STPG4: variants seen among roughly 807,000 people sequenced by gnomAD.
The protein encoded by STPG4 is sperm-tail PG-rich repeat containing 4, also known as protein STPG4.
In STPG4, 41 loss-of-function variants were observed where a neutral mutation model predicts 31.5. The observed-to-expected ratio is 1.30, with a 90% CI of 1.01 to 1.69. The LOEUF (loss-of-function observed/expected upper bound fraction) is 1.69. Ranked by LOEUF, STPG4 falls within the 40% of genes most tolerant of loss-of-function variation. STPG4 has a pLI of 0.00. For missense variants in STPG4, 375 were observed against 293.4 expected (o/e 1.28, Z -2.03); for synonymous variants, 141 against 103.0 (o/e 1.37, Z -2.24).
At chr2:47,135,721 A>C (rs531383236) in intron 3 of STPG4, among the ~76,000 whole-genome samples, 2 of 152,260 alleles carry the variant, frequency 1.3e-5, no homozygotes, top group East Asian at 1.9e-4. Flanking sequence ...CAGTTGTTCC[A>C]GCACCATTTG....
At chr2:47,093,933 C>A (rs1685622311) in intron 5 of STPG4, among the ~76,000 whole-genome samples, 1 of 152,228 alleles carries the variant, frequency 6.6e-6, no homozygotes, top group Non-Finnish European at 1.5e-5. Context: ...GCAGAGTCCC[C>A]ACTGCTGCCC....
intron 5 of STPG4, among the ~76,000 whole-genome samples, chr2:47,107,967 C>G (rs1181578044): frequency 6.6e-6 from 1 of 151,160 alleles, no homozygotes; most frequent in Non-Finnish European, 1.5e-5. Flanking sequence ...CCAATCGGCA[C>G]TCTGTATCTA....
intron 3 of STPG4, among the ~76,000 whole-genome samples, chr2:47,138,476 C>G (rs1448808821): frequency 6.6e-6 from 1 of 151,446 alleles, no homozygotes; most frequent in Admixed American, 6.6e-5. Flanking sequence ...ACTGCAACCT[C>G]CACCTCCTGG....
intron 6 of STPG4, 57 bp from the exon 7 acceptor site, chr2:47,087,187 C>T (rs1231340369): frequency 9.1e-6 from 14 of 1,540,268 alleles, no homozygotes; most frequent in Non-Finnish European, 1.2e-5. Context: ...AACCCTGAGG[C>T]TCCTGTGCCT....
chr2:47,133,469 T>A (rs1558684208), intron 3 of STPG4, among the ~76,000 whole-genome samples: 1 of 151,986 alleles, frequency 6.6e-6, no homozygotes, highest in Non-Finnish European at 1.5e-5. Context: ...GCCTGGCCAG[T>A]TCTTCGTTTT....
At chr2:47,124,971 G>C (rs377290511) in intron 5 of STPG4, among the ~76,000 whole-genome samples, 1 of 152,222 alleles carries the variant, frequency 6.6e-6, no homozygotes, top group Non-Finnish European at 1.5e-5. Context: ...TTTAAACTGG[G>C]ATGCAATGAT....
chr2:47,114,845 G>C (rs1459757410), intron 5 of STPG4, among the ~76,000 whole-genome samples: 1 of 152,008 alleles, frequency 6.6e-6, no homozygotes, highest in Non-Finnish European at 1.5e-5. Context: ...TTGGCTCACT[G>C]AAACCTCCAT....
intron 2 of STPG4, 99 bp from the exon 3 acceptor site, chr2:47,151,614 GT>G (rs1686939041): frequency 2.1e-6 from 2 of 942,906 alleles, no homozygotes; most frequent in Admixed American, 4.6e-5. Flanking sequence ...ATCTCTCTTT[GT>G]TTTCAAGTTT....
At chr2:47,107,045 G>C (rs570560234) in intron 5 of STPG4, among the ~76,000 whole-genome samples, 13 of 152,092 alleles carry the variant, frequency 8.5e-5, no homozygotes. Flanking sequence ...AGCTAGAACG[G>C]TCATTGGCCA....
rs1685547365 is a variant in STPG4 at position 47,090,392 on chromosome 2, A to C, written c.520-18T>G. 1 of 1,483,114 alleles carries C rather than the reference A, an allele frequency of 6.7e-7. No homozygotes were observed. Among genetic ancestry groups the C allele is most frequent in the Admixed American group, 2.0e-5 (1 of 50,092 alleles). The allele number at this position is 1,483,114 out of a possible 1,614,324, so 91.9% of individuals were successfully genotyped here. On this transcript the variant is annotated intron_variant, in intron 5 of 6. Transcript: ENST00000445927. ...CCTTCATGCTATTGAACATTTAAAA[A>C]ATTGCTTCATTATTATTGTACATTT... is the stretch of plus-strand genomic sequence containing the variant.
chr2:47,135,745 C>T (rs1243711077), intron 3 of STPG4, among the ~76,000 whole-genome samples: 1 of 152,108 alleles, frequency 6.6e-6, no homozygotes, highest in Non-Finnish European at 1.5e-5. Flanking sequence ...AAAAAACTAT[C>T]TTTTCTTTGT....
intron 5 of STPG4, among the ~76,000 whole-genome samples, chr2:47,090,663 A>G (rs1685552965): frequency 6.6e-6 from 1 of 152,182 alleles, no homozygotes; most frequent in African/African-American, 2.4e-5. Context: ...CCAGGCTCCC[A>G]GCCCACACTC....
At chr2:47,093,075 G>C (rs371802916) in intron 5 of STPG4, among the ~76,000 whole-genome samples, 55 of 152,304 alleles carry the variant, frequency 3.6e-4, no homozygotes, top group African/African-American at 1.3e-3. Context: ...ACAGGTGTGA[G>C]ACACCGCACC....
At chr2:47,099,106 G>T (rs1246908116) in intron 5 of STPG4, among the ~76,000 whole-genome samples, 1 of 152,158 alleles carries the variant, frequency 6.6e-6, no homozygotes, top group Non-Finnish European at 1.5e-5. Context: ...CACATGGGAG[G>T]GGCAACACCA....
chr2:47,128,073 T>C (rs1467304662), intron 5 of STPG4, among the ~76,000 whole-genome samples: 1 of 152,178 alleles, frequency 6.6e-6, no homozygotes, highest in Non-Finnish European at 1.5e-5. Context: ...CCAAGCCTAG[T>C]AATTGCTGTG....
chr2:47,109,297 C>T (rs1050402647), intron 5 of STPG4, among the ~76,000 whole-genome samples: 1 of 152,178 alleles, frequency 6.6e-6, no homozygotes, highest in African/African-American at 2.4e-5. Flanking sequence ...TGGCTTATGC[C>T]TGTAATCCCC....
intron 5 of STPG4, among the ~76,000 whole-genome samples, chr2:47,099,522 G>A (rs900445804): frequency 2.0e-5 from 3 of 152,286 alleles, no homozygotes; most frequent in Non-Finnish European, 4.4e-5. Flanking sequence ...GAGAAGAATG[G>A]AAATCTGGAA....
At chr2:47,153,425 T>C (rs898520098) in intron 1 of STPG4, among the ~76,000 whole-genome samples, 3 of 152,182 alleles carry the variant, frequency 2.0e-5, no homozygotes, top group Non-Finnish European at 2.9e-5. Flanking sequence ...CACAGTAGTA[T>C]AAAAATAAGG....
chr2:47,129,956 T>A lies in STPG4; in HGVS notation c.504A>T (p.Thr168=), dbSNP rs1480337377. 4 of 1,608,880 alleles carry A rather than the reference T, an allele frequency of 2.5e-6. No homozygotes were observed. Among genetic ancestry groups the A allele is most frequent in the Non-Finnish European group, 3.4e-6 (4 of 1,176,072 alleles). ...VFRSTVQRFP[T]TYFIPHEGPG... ...TTATACTTACGGGAATAAAATAGGT[T>A]GTTGGGAATCTTTGAACTGTTGAGC... The change falls in exon 5 of 7, where the codon ACA becomes ACT. Residue 168 remains threonine, a synonymous_variant. Coordinates refer to ENST00000445927, the MANE Select transcript of STPG4 (RefSeq NM_001163561.2).
Sources: gnomAD v4.1 joint callset for allele counts (sites outside exome capture counted in the v4.1 genomes callset) on GRCh38, gnomAD v4.1.1 for gene constraint, MANE v1.5 for transcripts, NCBI Gene and HGNC (gene_info 2026-07-23, HGNC 2026-07-21) for gene names.